DCAF5: variants seen among roughly 807,000 people sequenced by gnomAD.
The protein encoded by DCAF5 is DDB1 and CUL4 associated factor 5, also known as DDB1- and CUL4-associated factor 5.
A neutral mutation model predicts 80.7 loss-of-function variants in DCAF5; 9 were observed. The observed-to-expected ratio is 0.11, with a 90% CI of 0.07 to 0.19. The LOEUF (loss-of-function observed/expected upper bound fraction) is 0.19, where lower values mean the gene tolerates loss of function less well. Among genes scored for constraint, DCAF5 ranks in the 10% least tolerant of loss-of-function variants. The pLI is 1.00. For missense variants in DCAF5, 842 were observed against 1,205.7 expected, an observed-to-expected ratio of 0.70 and a Z score of 4.47; for synonymous variants, 433 against 461.9, an observed-to-expected ratio of 0.94 and a Z score of 0.80.
At chr14:69,080,718 A>G (rs887314740) in intron 6 of DCAF5, among the ~76,000 whole-genome samples, 4 of 152,242 alleles carry the variant, frequency 2.6e-5, no homozygotes, top group Admixed American at 6.5e-5. Context: ...ATAGAAACAT[A>G]GTAGAAAAAT....
chr14:69,065,474 C>A (rs1211470471), intron 7 of DCAF5, among the ~76,000 whole-genome samples: 3 of 152,092 alleles, frequency 2.0e-5, no homozygotes, highest in African/African-American at 7.2e-5. Flanking sequence ...CCTAGGAAAT[C>A]TGAAAAAGAA....
At chr14:69,080,366 G>A (rs1315772197) in intron 6 of DCAF5, among the ~76,000 whole-genome samples, 2 of 151,968 alleles carry the variant, frequency 1.3e-5, no homozygotes, top group African/African-American at 4.8e-5. Context: ...TGGGATACAA[G>A]GAAATATAAG....
At chr14:69,086,881 T>G (rs997975719) in intron 6 of DCAF5, among the ~76,000 whole-genome samples, 1 of 152,224 alleles carries the variant, frequency 6.6e-6, no homozygotes, top group Non-Finnish European at 1.5e-5. Context: ...ATCTATCAAG[T>G]TCAAAAGACC....
intron 6 of DCAF5, among the ~76,000 whole-genome samples, chr14:69,086,435 A>G (rs2039323830): frequency 6.6e-6 from 1 of 152,146 alleles, no homozygotes; most frequent in Admixed American, 6.5e-5. Flanking sequence ...AAGGGCTAAA[A>G]ATATGTAAGA....
chr14:69,077,076 G>A (rs2038927554), intron 6 of DCAF5, among the ~76,000 whole-genome samples: 1 of 152,228 alleles, frequency 6.6e-6, no homozygotes, highest in South Asian at 2.1e-4. Context: ...CAACGAGAGA[G>A]TAATTTTGAG....
chr14:69,056,551 C>T (rs961426868), intron 8 of DCAF5, among the ~76,000 whole-genome samples: 1 of 152,216 alleles, frequency 6.6e-6, no homozygotes, highest in Non-Finnish European at 1.5e-5. Context: ...TTCACAGCAG[C>T]ACAGAGCAGC....
chr14:69,128,671 G>GTT lies in DCAF5; in HGVS notation c.215-6312_215-6311insAA, dbSNP rs567071159. Among the ~76,000 whole-genome samples the GTT allele has an allele frequency of 2.2e-3, 332 of 152,300 alleles. 3 individuals are homozygous for GTT. The highest frequency in any genetic ancestry group is 7.5e-3 in the African/African-American group (310 of 41,550). On this transcript the variant is annotated intron_variant, in intron 1 of 8. Coordinates refer to ENST00000341516, the MANE Select transcript of DCAF5 (RefSeq NM_003861.3). ...TAGTCCCAGCTACTGGGGAGGATGAGGCAGGAGAATCACTTGAACCCTGGA... is the reference window on the plus strand; with the variant it reads ...TAGTCCCAGCTACTGGGGAGGATGAGTTGCAGGAGAATCACTTGAACCCTGGA...
intron 1 of DCAF5, among the ~76,000 whole-genome samples, chr14:69,129,730 C>T (rs1358569849): frequency 6.6e-6 from 1 of 152,148 alleles, no homozygotes; most frequent in Non-Finnish European, 1.5e-5. Flanking sequence ...GGAGAGGGAC[C>T]CTAGCCCCAG....
chr14:69,125,417 A>G (rs1330129100), intron 1 of DCAF5, among the ~76,000 whole-genome samples: 1 of 152,264 alleles, frequency 6.6e-6, no homozygotes, highest in East Asian at 1.9e-4. Flanking sequence ...AATGTCTAGA[A>G]GATGCAAAGA....
intron 6 of DCAF5, 93 bp downstream of exon 6, chr14:69,091,581 G>T: frequency 8.6e-7 from 1 of 1,163,090 alleles, no homozygotes; most frequent in Non-Finnish European, 1.2e-6. Context: ...GTTTCTACCT[G>T]ACATAATGGT....
intron 1 of DCAF5, among the ~76,000 whole-genome samples, chr14:69,127,505 A>G (rs1357297152): frequency 6.6e-6 from 1 of 152,210 alleles, no homozygotes; most frequent in East Asian, 1.9e-4. Context: ...GAATATATGG[A>G]GCAGAGAAGA....
chr14:69,066,196 A>G (rs925933472), intron 7 of DCAF5, among the ~76,000 whole-genome samples: 1 of 149,576 alleles, frequency 6.7e-6, no homozygotes, highest in African/African-American at 2.5e-5. Context: ...GTGTAGTGGC[A>G]TGATCTCAGC....
chr14:69,076,510 A>T (rs538726201), intron 6 of DCAF5, among the ~76,000 whole-genome samples: 1 of 152,264 alleles, frequency 6.6e-6, no homozygotes, highest in Admixed American at 6.5e-5. Context: ...CCGTGACGTT[A>T]TACTAAATGA....
intron 1 of DCAF5, among the ~76,000 whole-genome samples, chr14:69,143,277 A>G (rs1342950562): frequency 6.6e-6 from 1 of 152,242 alleles, no homozygotes; most frequent in Non-Finnish European, 1.5e-5. Context: ...AAAAATGCAT[A>G]TAACATTGTA....
chr14:69,129,898 A>G (rs11627476), intron 1 of DCAF5, among the ~76,000 whole-genome samples: 8,160 of 152,308 alleles, frequency 0.054, 321 homozygotes, highest in Non-Finnish European at 0.084. Flanking sequence ...TGAGAACCCC[A>G]AGAAAATACA....
chr14:69,118,058 GA>G lies in DCAF5; in HGVS notation c.535+80del. 1 of 1,557,522 alleles carries G rather than the reference GA, an allele frequency of 6.4e-7. No individual in the cohort carries two copies. Among genetic ancestry groups the G allele is most frequent in the Non-Finnish European group, 8.8e-7 (1 of 1,136,406 alleles). Reference sequence around the variant, plus strand: ...TTGACATCACTTGCACATAGATACTGAGGTAATAAATTGGATCTTCAATGAA... The same window carrying G: ...TTGACATCACTTGCACATAGATACTGGGTAATAAATTGGATCTTCAATGAA... On this transcript the variant is annotated intron_variant, in intron 4 of 8. Coordinates refer to ENST00000341516, the MANE Select transcript of DCAF5 (RefSeq NM_003861.3). The surrounding 1 kb of genome is among the most constrained non-coding windows in gnomAD (Gnocchi z 4.0).
chr14:69,092,747 T>C (rs2039577121), intron 5 of DCAF5, among the ~76,000 whole-genome samples: 2 of 152,206 alleles, frequency 1.3e-5, no homozygotes, highest in Non-Finnish European at 2.9e-5. Context: ...ATAATAAGTA[T>C]TAAAGACAAT....
intron 1 of DCAF5, among the ~76,000 whole-genome samples, chr14:69,124,037 C>CT (rs1279175615): frequency 1.3e-5 from 2 of 152,140 alleles, no homozygotes; most frequent in African/African-American, 4.8e-5. Flanking sequence ...ATGGATTTGT[C>CT]TACTCTAGGA....
At chr14:69,110,306 C>T (rs1306285288) in intron 5 of DCAF5, among the ~76,000 whole-genome samples, 1 of 145,350 alleles carries the variant, frequency 6.9e-6, no homozygotes, top group Non-Finnish European at 1.5e-5. Context: ...AGTCTCACTC[C>T]GTCACCAGGC....
Sources: allele counts gnomAD v4.1 joint callset (sites outside exome capture counted in the v4.1 genomes callset), GRCh38; gene constraint gnomAD v4.1.1; non-coding constraint Gnocchi (gnomAD v3.1); transcripts MANE v1.5; gene names NCBI Gene and HGNC (gene_info 2026-07-23, HGNC 2026-07-21).